PEAK1: variants seen among roughly 807,000 people sequenced by gnomAD.
PEAK1 encodes inactive tyrosine-protein kinase PEAK1.
Under a neutral mutation model 124.7 loss-of-function variants are expected in PEAK1, and 54 were observed. That is an observed-to-expected ratio of 0.43 (90% confidence interval 0.35 to 0.54). The LOEUF (loss-of-function observed/expected upper bound fraction) is 0.54, where lower values mean the gene tolerates loss of function less well. Ranked by LOEUF, PEAK1 falls within the 20% of genes least tolerant of loss-of-function variation. PEAK1 has a pLI of 0.01. For synonymous variants in PEAK1, 719 were observed against 760.0 expected (o/e 0.95, Z 0.89); for missense variants, 2,046 against 2,134.5 (o/e 0.96, Z 0.82).
At chr15:77,354,267 C>G (rs1298454336) in intron 2 of PEAK1, among the ~76,000 whole-genome samples, 1 of 152,126 alleles carries the variant, frequency 6.6e-6, no homozygotes, top group Admixed American at 6.5e-5. Context: ...ATTAAATTGC[C>G]CAACTTGAGA....
exon 7 of PEAK1, chr15:77,102,899 C>T (rs1322500105): frequency 6.6e-6 from 1 of 152,014 alleles, no homozygotes; most frequent in Non-Finnish European, 1.5e-5. Flanking sequence ...AGAAAAAAAA[C>T]CCATTGAGAT....
intron 6 of PEAK1, among the ~76,000 whole-genome samples, chr15:77,246,711 T>C (rs1406929458): frequency 6.6e-6 from 1 of 152,100 alleles, no homozygotes; most frequent in Non-Finnish European, 1.5e-5. Flanking sequence ...ATAATTTCAA[T>C]GTCCAATTAT....
intron 7 of PEAK1, among the ~76,000 whole-genome samples, chr15:77,176,763 C>A (rs909904992): frequency 3.9e-5 from 6 of 152,108 alleles, no homozygotes; most frequent in African/African-American, 1.4e-4. Flanking sequence ...TGGCATGCAG[C>A]CAAAGGAGAG....
chr15:77,419,029 A>G (rs1485958133), intron 1 of PEAK1: 1 of 985,258 alleles, frequency 1.0e-6, no homozygotes, highest in African/African-American at 1.7e-5. Flanking sequence ...AAAATCAATT[A>G]GGTTTTCTAT....
downstream of PEAK1, chr15:77,105,349 TGTGTGTGTGC>T (rs1348780315): frequency 0.026 from 3,352 of 128,220 alleles, 51 homozygotes; most frequent in Middle Eastern, 0.062. Flanking sequence ...TGTGTGTGTG[TGTGTGTGTGC>T]GCGCGTGCGC....
At chr15:77,164,206 G>A (rs980364684) in intron 7 of PEAK1, among the ~76,000 whole-genome samples, 1 of 152,192 alleles carries the variant, frequency 6.6e-6, no homozygotes, top group East Asian at 1.9e-4. Context: ...TTCTCAGATA[G>A]AGAAGTGTGT....
At position 77,259,984 on chromosome 15, in the gene PEAK1, G is replaced by A. The variant is rs1183511185; in HGVS notation, c.-274-7458C>T. On this transcript the variant is annotated intron_variant, in intron 5 of 9. Coordinates refer to ENST00000682557, the MANE Select transcript of PEAK1 (RefSeq NM_001385026.1). ...CCTGAGCATTTAGCTAGATAAAAAC[G>A]TTACATTAAGAAGGGTAAAATTTTT... Among the ~76,000 whole-genome samples the A allele has an allele frequency of 4.6e-5, 7 of 152,106 alleles. No individual in the cohort carries two copies. The East Asian group carries it at 9.6e-4, about 21-fold the overall frequency.
rs371869756 is a variant in PEAK1, at chr15:77,115,285, T to C, written c.4112A>G (p.Tyr1371Cys). 2.4e-4 allele frequency: 388 copies of C among 1,613,882 alleles called. 1 individual carries two copies. The highest frequency in any genetic ancestry group is 1.1e-4 in the Non-Finnish European group (129 of 1,179,876). ...CKSKAKESQQYYHSLAVRQSL... is the reference protein window; with the variant it reads ...CKSKAKESQQCYHSLAVRQSL... The stretch of plus-strand genomic sequence containing the variant: ...CTGCCGGACAGCCAAGCTGTGATAA[T>C]ACTGCTGAGATTCTTTAGCTTTGCT... The change falls in exon 10 of 10, where the codon TAT becomes TGT. Residue 1371 changes from tyrosine to cysteine, a missense_variant. By Grantham distance (194) the Tyr-to-Cys change is radical (BLOSUM62 -2). Coordinates refer to ENST00000682557, the MANE Select transcript of PEAK1 (RefSeq NM_001385026.1).
At chr15:77,346,655 C>T in intron 2 of PEAK1, 1 of 984,798 alleles carries the variant, frequency 1.0e-6, no homozygotes. Flanking sequence ...GTCAAAAATA[C>T]AAAAATATTA....
In PEAK1 at chr15:77,173,937, T is replaced by G. The variant is rs565331944; in HGVS notation, c.3137+4853A>C. ...ATTGAGGGTAGAGGGCCTAATAACA[T>G]TTTTAAGCAGTCAATGTCTGCCAGA... On this transcript the variant is annotated intron_variant, in intron 7 of 9. Coordinates refer to ENST00000682557, the MANE Select transcript of PEAK1 (RefSeq NM_001385026.1). Among the ~76,000 whole-genome samples, 28 of 152,372 alleles carry G rather than the reference T, an allele frequency of 1.8e-4. 1 individual carries two copies. In the South Asian group the frequency reaches 5.4e-3, roughly 29 times the overall value.
chr15:77,178,072 A>G (rs960659998), intron 7 of PEAK1: 1 of 152,178 alleles, frequency 6.6e-6, no homozygotes, highest in Non-Finnish European at 1.5e-5. Context: ...TATTTATTAT[A>G]TACCTTGCAC....
chr15:77,207,653 C>T (rs758413220), intron 6 of PEAK1, among the ~76,000 whole-genome samples: 1 of 152,080 alleles, frequency 6.6e-6, no homozygotes, highest in Non-Finnish European at 1.5e-5. Flanking sequence ...GTAAAAAGAT[C>T]AGTGGTTGCC....
At chr15:77,300,842 ATTATTTAT>A (rs375319792) in intron 2 of PEAK1, among the ~76,000 whole-genome samples, 1 of 151,778 alleles carries the variant, frequency 6.6e-6, no homozygotes, top group African/African-American at 2.4e-5. Flanking sequence ...AAAACCAGTA[ATTATTTAT>A]TTATTTATTT....
intron 2 of PEAK1, among the ~76,000 whole-genome samples, chr15:77,298,836 G>A (rs138042023): frequency 2.6e-5 from 4 of 152,062 alleles, no homozygotes; most frequent in African/African-American, 4.8e-5. Flanking sequence ...CCTTCTCTCC[G>A]TTTCCTTAGC....
chr15:77,205,573 T>C (rs1175380105), intron 6 of PEAK1, among the ~76,000 whole-genome samples: 1 of 152,182 alleles, frequency 6.6e-6, no homozygotes, highest in East Asian at 1.9e-4. Context: ...GCTCTCCTTA[T>C]CAGAATTGTG....
rs914879088 is a variant in PEAK1, at chr15:77,311,622, A to G, written c.-602-25118T>C. 2.7e-5 allele frequency among the ~76,000 whole-genome samples: 4 copies of G among 150,268 alleles called. No individual in the cohort carries two copies. In the South Asian group the frequency reaches 8.4e-4, roughly 32 times the overall value. ...CAAGAAGCGGAGGTTGCAGCAAGCC[A>G]AGATTGCACCACTGCACTCTAGCCT... On this transcript the variant is annotated intron_variant, in intron 2 of 9. Transcript: ENST00000682557.
At chr15:77,210,605 C>T (rs1361685000) in intron 6 of PEAK1, among the ~76,000 whole-genome samples, 6 of 152,144 alleles carry the variant, frequency 3.9e-5, no homozygotes, top group African/African-American at 1.2e-4. Flanking sequence ...TCAGGCTGGG[C>T]GCAGTGGCTC....
At chr15:77,359,123 A>T (rs901583737) in intron 2 of PEAK1, among the ~76,000 whole-genome samples, 1 of 152,136 alleles carries the variant, frequency 6.6e-6, no homozygotes, top group Non-Finnish European at 1.5e-5. Context: ...GAAAGACTGA[A>T]TGTTTTCACC....
intron 6 of PEAK1, among the ~76,000 whole-genome samples, chr15:77,243,982 A>G (rs1263513070): frequency 4.6e-5 from 7 of 151,984 alleles, no homozygotes; most frequent in Non-Finnish European, 7.4e-5. Context: ...ATAAAAAAAA[A>G]AAAAAGAAAA....
Sources: allele counts gnomAD v4.1 joint callset (sites outside exome capture counted in the v4.1 genomes callset), GRCh38; gene constraint gnomAD v4.1.1; transcripts MANE v1.5; gene names NCBI Gene and HGNC (gene_info 2026-07-23, HGNC 2026-07-21).